WSCD1: variants seen among roughly 807,000 people sequenced by gnomAD.
WSCD1 encodes WSC domain sialate O sulfotransferase 1.
WSCD1 carries 41 observed loss-of-function variants against 60.4 expected under a neutral mutation model. The ratio of observed to expected loss-of-function variants is 0.68; its 90% CI spans 0.53 to 0.88. The LOEUF is 0.88. WSCD1 is among the 40% of genes least tolerant of loss of function. WSCD1 has a pLI of 0.00. For synonymous variants in WSCD1, 361 were observed against 332.5 expected (o/e 1.09, Z -0.93); for missense variants, 784 against 796.2 (o/e 0.98, Z 0.18).
intron 5 of WSCD1, among the ~76,000 whole-genome samples, chr17:6,100,077 G>T (rs922408810): frequency 2.0e-5 from 3 of 152,180 alleles, no homozygotes; most frequent in African/African-American, 7.2e-5. Flanking sequence ...CTGCAGGTAG[G>T]ATGTTCTGGA....
intron 5 of WSCD1, among the ~76,000 whole-genome samples, chr17:6,098,452 G>A (rs1463621529): frequency 6.6e-6 from 1 of 152,200 alleles, no homozygotes; most frequent in Non-Finnish European, 1.5e-5. Context: ...TCACACATTA[G>A]CACCTTGTCC....
chr17:6,080,328 G>A lies in WSCD1; in HGVS notation c.-288-43G>A, dbSNP rs1219310334. The A allele has an allele frequency of 2.8e-6, 1 of 356,240 alleles. No individual in the cohort carries two copies. The highest frequency in any genetic ancestry group is 4.8e-5 in the Admixed American group (1 of 20,762). 22.1% of individuals were successfully genotyped at this position (356,240 alleles called of 1,614,324 possible). A position where few individuals can be genotyped will look rare whatever the true frequency, so the allele number is the denominator to read the frequency against. On this transcript the variant is annotated intron_variant, in intron 1 of 8. Coordinates refer to ENST00000317744, the MANE Select transcript of WSCD1 (RefSeq NM_015253.2). The surrounding 1 kb of genome is among the most constrained non-coding windows in gnomAD (Gnocchi z 6.6). ...TCCCAGCCTGGGAGTGCCAGGTAGT[G>A]GACCCGCCTATTACATCTCGGTGCT...
chr17:6,109,563 T>C, intron 5 of WSCD1, 44 bp from the exon 6 acceptor site: 1 of 1,597,682 alleles, frequency 6.3e-7, no homozygotes, highest in Non-Finnish European at 8.6e-7. Flanking sequence ...AGCATGACCC[T>C]CAAATTCACT....
chr17:6,095,721 G>A lies in WSCD1; in HGVS notation c.849+498G>A, dbSNP rs375492668. Among the ~76,000 whole-genome samples the A allele has an allele frequency of 2.2e-3, 329 of 152,344 alleles. 1 individual carries two copies. Among genetic ancestry groups the A allele is most frequent in the Middle Eastern group, 0.01 (3 of 294 alleles). The stretch of plus-strand genomic sequence containing the variant: ...CTAGGCACCAAAGGCCACTGACCCC[G>A]CATTGCATGGTAGCTCTGGGGTGGG... On this transcript the variant is annotated intron_variant, in intron 5 of 8. Transcript: ENST00000317744.
At chr17:6,096,473 T>C (rs9902688) in intron 5 of WSCD1, among the ~76,000 whole-genome samples, 2,741 of 152,086 alleles carry the variant, frequency 0.018, 76 homozygotes, top group African/African-American at 0.057. Flanking sequence ...ACACCTCCCT[T>C]GGAGGGGGCT....
At position 6,080,971 on chromosome 17, in the gene WSCD1, C is replaced by A; in HGVS notation, c.313C>A (p.Arg105Ser). 1 of 1,553,190 alleles carries A rather than the reference C, an allele frequency of 6.4e-7. No individual in the cohort carries two copies. The highest frequency in any genetic ancestry group is 8.7e-7 in the Non-Finnish European group (1 of 1,152,272). The change falls in exon 2 of 9, where the codon CGC becomes AGC. Residue 105 changes from arginine to serine, a missense_variant. Physicochemically the swap from Arg to Ser is moderately radical, Grantham distance 110 (BLOSUM62 -1). Coordinates refer to ENST00000317744, the MANE Select transcript of WSCD1 (RefSeq NM_015253.2). The surrounding 1 kb of genome is among the most constrained non-coding windows in gnomAD (Gnocchi z 6.6). ...GCCCGGCCCCCGCTGGCTCCGGAGC[C>A]GCAACTCGGAGCTGCGTCAGTTGCG... is the stretch of plus-strand genomic sequence containing the variant. Reference protein sequence around the residue: ...PRPGPRWLRSRNSELRQLRRR... With the variant: ...PRPGPRWLRSSNSELRQLRRR...
intron 5 of WSCD1, among the ~76,000 whole-genome samples, chr17:6,098,244 TTA>T (rs1910578067): frequency 6.6e-6 from 1 of 152,122 alleles, no homozygotes; most frequent in African/African-American, 2.4e-5. Flanking sequence ...AGTGCTGGGA[TTA>T]CAAGCATGAG....
chr17:6,080,716 T>C lies in WSCD1; in HGVS notation c.58T>C (p.Phe20Leu). 6.2e-7 allele frequency: 1 copy of C among 1,613,578 alleles called. No individual in the cohort carries two copies. The highest frequency in any genetic ancestry group is 8.5e-7 in the Non-Finnish European group (1 of 1,179,922). Residue 20 changes from phenylalanine to leucine, a missense_variant, in exon 2 of 9, where the codon TTC becomes CTC. By Grantham distance (22) the Phe-to-Leu change is conservative. Coordinates refer to ENST00000317744, the MANE Select transcript of WSCD1 (RefSeq NM_015253.2). This position sits in a 1 kb window ranked among gnomAD's most constrained non-coding sequence, Gnocchi z 6.6. The part of the protein sequence containing the change: ...KFLRRTQFLL[F>L]FLTAAYLMTG... ...TCTCCGCCGAACACAGTTCCTGCTG[T>C]TCTTCCTCACGGCTGCCTACCTGAT...
At chr17:6,084,851 A>G (rs1209082815) in intron 2 of WSCD1, 1 of 152,172 alleles carries the variant, frequency 6.6e-6, no homozygotes, top group Non-Finnish European at 1.5e-5. Context: ...TTTCCTGAAC[A>G]TTCTCGCCTC....
intron 5 of WSCD1, among the ~76,000 whole-genome samples, chr17:6,096,272 G>C (rs974386612): frequency 1.3e-5 from 2 of 152,266 alleles, no homozygotes; most frequent in East Asian, 3.9e-4. Flanking sequence ...TTGAACTCAG[G>C]TAGCTCCATA....
At chr17:6,086,902 A>G (rs1372400829) in intron 2 of WSCD1, among the ~76,000 whole-genome samples, 2 of 152,204 alleles carry the variant, frequency 1.3e-5, no homozygotes, top group African/African-American at 4.8e-5. Flanking sequence ...AGCCACTGGC[A>G]GGCTGCTGGG....
intron 4 of WSCD1, among the ~76,000 whole-genome samples, chr17:6,093,007 G>T (rs1910159052): frequency 6.6e-6 from 1 of 152,230 alleles, no homozygotes. Flanking sequence ...GTGAGCTGCA[G>T]CTTCTGCCAG....
upstream of WSCD1, chr17:6,069,422 TGTGTGTGAGA>T (rs1300068172): frequency 2.7e-3 from 857 of 318,070 alleles, 2 homozygotes; most frequent in African/African-American, 0.021. Context: ...TGTGTGTGTG[TGTGTGTGAGA>T]GAGAGAGAGA....
intron 7 of WSCD1, among the ~76,000 whole-genome samples, chr17:6,117,115 T>C (rs1049092082): frequency 2.0e-5 from 3 of 152,222 alleles, no homozygotes; most frequent in African/African-American, 7.2e-5. Flanking sequence ...AGTGAGCACA[T>C]AATAACCTTC....
chr17:6,072,979 C>A (rs1008912122), intron 1 of WSCD1, among the ~76,000 whole-genome samples: 1 of 152,236 alleles, frequency 6.6e-6, no homozygotes, highest in Admixed American at 6.5e-5. Flanking sequence ...GTTAAGGCCC[C>A]TCCCCTTCAC....
intron 5 of WSCD1, among the ~76,000 whole-genome samples, chr17:6,100,429 C>T (rs1022136821): frequency 5.3e-5 from 8 of 152,246 alleles, no homozygotes; most frequent in Non-Finnish European, 1.0e-4. Flanking sequence ...TAAGTCAAAC[C>T]GCCATCTGCC....
intron 5 of WSCD1, among the ~76,000 whole-genome samples, chr17:6,100,020 T>C (rs528544777): frequency 3.7e-4 from 57 of 152,136 alleles, no homozygotes; most frequent in East Asian, 9.7e-4. Context: ...TTGAGACTTT[T>C]TTCAGTGGGT....
At chr17:6,078,240 T>A (rs1360647175) in intron 1 of WSCD1, among the ~76,000 whole-genome samples, 1 of 152,060 alleles carries the variant, frequency 6.6e-6, no homozygotes, top group Non-Finnish European at 1.5e-5. Flanking sequence ...GGGGCTGGGG[T>A]TAGGAAAATG....
intron 4 of WSCD1, among the ~76,000 whole-genome samples, chr17:6,094,663 C>T (rs1910287200): frequency 7.7e-6 from 1 of 129,992 alleles, no homozygotes; most frequent in Non-Finnish European, 1.6e-5. Context: ...TTATGGAGAA[C>T]TGGCAGAAGC....
Sources: gnomAD v4.1 joint callset for allele counts (sites outside exome capture counted in the v4.1 genomes callset) on GRCh38, gnomAD v4.1.1 for gene constraint, Gnocchi (gnomAD v3.1) non-coding constraint, MANE v1.5 for transcripts, NCBI Gene and HGNC (gene_info 2026-07-23, HGNC 2026-07-21) for gene names.